WDPCP: variants seen among roughly 807,000 people sequenced by gnomAD.
WDPCP encodes the protein WD repeat-containing and planar cell polarity effector protein fritz homolog.
WDPCP carries 71 observed loss-of-function variants against 93.1 expected under a neutral mutation model. The observed-to-expected ratio is 0.76, with a 90% CI of 0.63 to 0.93. The LOEUF is 0.93. Among genes scored for constraint, WDPCP ranks in the 40% least tolerant of loss-of-function variants. The probability of loss-of-function intolerance (pLI) is 0.00; values close to 1 mark genes in which losing one functional copy is unlikely to be tolerated. For synonymous variants in WDPCP, 315 were observed against 315.0 expected, an observed-to-expected ratio of 1.00 and a Z score of 0.00; for missense variants, 844 against 887.4, an observed-to-expected ratio of 0.95 and a Z score of 0.62.
intron 1 of WDPCP, among the ~76,000 whole-genome samples, chr2:63,568,663 C>T (rs1707257495): frequency 6.6e-6 from 1 of 152,184 alleles, no homozygotes; most frequent in South Asian, 2.1e-4. Context: ...TGGGACCTCA[C>T]ATTTTGTATT....
At position 63,350,585 on chromosome 2, in the gene WDPCP, G is replaced by T. The variant is rs528414668; in HGVS notation, c.1748+27801C>A. On this transcript the variant is annotated intron_variant, in intron 12 of 17. Coordinates refer to ENST00000272321, the MANE Select transcript of WDPCP (RefSeq NM_015910.7). ...AGTCCCTGGAAGTTGCGGGTTTAAG[G>T]CTTACACTGTGAGCTACTGTCCATT... Among the ~76,000 whole-genome samples, 4 of 152,142 alleles carry T rather than the reference G, an allele frequency of 2.6e-5. No individual in the cohort carries two copies. In the East Asian group the frequency reaches 5.8e-4, roughly 22 times the overall value.
rs145840709 is a variant in WDPCP, at chr2:63,483,984, G to A, written c.384+620C>T. On this transcript the variant is annotated intron_variant, in intron 6 of 17. Transcript: ENST00000272321. ...TTGTCCAATAGAACTGTCTGAGATG[G>A]AAATGTTCTGTATCTGCACTGTCCA... Among the ~76,000 whole-genome samples the A allele has an allele frequency of 1.9e-3, 291 of 152,048 alleles. 2 individuals carry two copies. The highest frequency in any genetic ancestry group is 6.4e-3 in the African/African-American group (267 of 41,530).
At chr2:63,209,039 C>T (rs1034395236) in intron 14 of WDPCP, among the ~76,000 whole-genome samples, 1 of 152,156 alleles carries the variant, frequency 6.6e-6, no homozygotes, top group African/African-American at 2.4e-5. Context: ...GAAGTAACAG[C>T]CCATTAGGGC....
At chr2:63,303,402 C>G (rs369014401) in intron 13 of WDPCP, among the ~76,000 whole-genome samples, 16 of 152,200 alleles carry the variant, frequency 1.1e-4, no homozygotes, top group African/African-American at 3.9e-4. Context: ...TAATGGTAGA[C>G]TGAATAAATT....
intron 13 of WDPCP, among the ~76,000 whole-genome samples, chr2:63,306,274 G>T (rs186553045): frequency 6.6e-6 from 1 of 152,140 alleles, no homozygotes; most frequent in African/African-American, 2.4e-5. Flanking sequence ...AAAAAGCCCA[G>T]GACCAGACAG....
chr2:63,550,773 G>A (rs1019471216), intron 1 of WDPCP, among the ~76,000 whole-genome samples: 9 of 118,328 alleles, frequency 7.6e-5, no homozygotes, highest in African/African-American at 2.8e-4. Flanking sequence ...ATATATATGT[G>A]CATATGTACA....
At chr2:63,430,838 C>T (rs755342994) in intron 9 of WDPCP, among the ~76,000 whole-genome samples, 4 of 152,278 alleles carry the variant, frequency 2.6e-5, no homozygotes, top group Admixed American at 6.5e-5. Flanking sequence ...GCTGAGATTG[C>T]GCCACTGGAC....
In WDPCP at chr2:63,491,328, G is replaced by A. The variant is rs575580489; in HGVS notation, c.160+1528C>T. On this transcript the variant is annotated intron_variant, in intron 2 of 17. Coordinates refer to ENST00000272321, the MANE Select transcript of WDPCP (RefSeq NM_015910.7). ...TCTAGTGATCCTTAGTTCTCTGTTT[G>A]TATTTACAAGTGAGGCACTAAAAAA... is the stretch of plus-strand genomic sequence containing the variant. Among the ~76,000 whole-genome samples, 14 of 152,056 alleles carry A rather than the reference G, an allele frequency of 9.2e-5. No individual in the cohort carries two copies. The South Asian group carries it at 2.9e-3, about 32-fold the overall frequency.
chr2:63,589,000 G>A (rs918741289), upstream of WDPCP: 19 of 1,614,046 alleles, frequency 1.2e-5, no homozygotes, highest in Non-Finnish European at 1.6e-5. Flanking sequence ...GACTCTCTGA[G>A]GCTCATTTTG....
At chr2:63,245,574 C>T (rs536396599) in intron 14 of WDPCP, among the ~76,000 whole-genome samples, 1 of 152,144 alleles carries the variant, frequency 6.6e-6, no homozygotes, top group East Asian at 1.9e-4. Context: ...ACAATGCATG[C>T]CATAAAGCTA....
At chr2:63,620,816 G>C (rs1222117938) in intron 3 of WDPCP, among the ~76,000 whole-genome samples, 1 of 152,214 alleles carries the variant, frequency 6.6e-6, no homozygotes, top group African/African-American at 2.4e-5. Flanking sequence ...AGCTTCCAGA[G>C]GTAGGAACAG....
At chr2:63,710,650 T>C (rs1045509983) in intron 2 of WDPCP, among the ~76,000 whole-genome samples, 8 of 152,198 alleles carry the variant, frequency 5.3e-5, no homozygotes, top group Non-Finnish European at 1.0e-4. Context: ...GATAAGACAC[T>C]AGCCCTGACT....
chr2:63,341,282 C>G (rs947337650), intron 12 of WDPCP, among the ~76,000 whole-genome samples: 1 of 152,148 alleles, frequency 6.6e-6, no homozygotes, highest in African/African-American at 2.4e-5. Context: ...GAGCGCACCA[C>G]CATGCCCAGC....
chr2:63,669,814 G>A (rs556042318), intron 2 of WDPCP, among the ~76,000 whole-genome samples: 13 of 152,264 alleles, frequency 8.5e-5, no homozygotes, highest in Middle Eastern at 3.4e-3. Flanking sequence ...CACCATCCAC[G>A]TCATGGTCTG....
intron 12 of WDPCP, among the ~76,000 whole-genome samples, chr2:63,356,630 C>G (rs779073493): frequency 6.6e-6 from 1 of 152,160 alleles, no homozygotes; most frequent in Non-Finnish European, 1.5e-5. Context: ...TCGCTCAAAA[C>G]CATGCAATTA....
chr2:63,448,560 C>T (rs1390347026), intron 6 of WDPCP, among the ~76,000 whole-genome samples: 1 of 151,968 alleles, frequency 6.6e-6, no homozygotes, highest in Non-Finnish European at 1.5e-5. Context: ...AGAGTGAGTA[C>T]TGTTAAATTG....
intron 10 of WDPCP, among the ~76,000 whole-genome samples, chr2:63,401,327 T>G (rs779779140): frequency 2.0e-5 from 3 of 151,994 alleles, no homozygotes; most frequent in Non-Finnish European, 4.4e-5. Flanking sequence ...CATCAAAAAG[T>G]GGGCAAAGGA....
At chr2:63,725,909 T>A (rs192519501) in intron 2 of WDPCP, among the ~76,000 whole-genome samples, 2 of 152,280 alleles carry the variant, frequency 1.3e-5, no homozygotes, top group Non-Finnish European at 2.9e-5. Context: ...TGTTTGTTAA[T>A]TTTTTAAGTT....
intron 9 of WDPCP, among the ~76,000 whole-genome samples, chr2:63,426,790 T>C (rs182064385): frequency 6.6e-6 from 1 of 152,210 alleles, no homozygotes; most frequent in East Asian, 1.9e-4. Context: ...AAAGACAAGG[T>C]CCAAGTGTTT....
Sources: gnomAD v4.1 joint callset for allele counts (sites outside exome capture counted in the v4.1 genomes callset) on GRCh38, gnomAD v4.1.1 for gene constraint, MANE v1.5 for transcripts, NCBI Gene and HGNC (gene_info 2026-07-23, HGNC 2026-07-21) for gene names.